The following CALN1 variants were observed in gnomAD, a reference collection of about 807,000 sequenced individuals.
CALN1 encodes the protein calcium-binding protein 8.
CALN1 carries 17 observed loss-of-function variants against 30.6 expected under a neutral mutation model. That is an observed-to-expected ratio of 0.56 (90% CI 0.38 to 0.83). The LOEUF is 0.83. CALN1 is among the 40% of genes least tolerant of loss of function. CALN1 has a pLI of 0.00. For missense variants in CALN1, 291 were observed against 354.9 expected (o/e 0.82, Z 1.45); for synonymous variants, 156 against 131.4 (o/e 1.19, Z -1.28).
chr7:71,787,834 A>C lies in CALN1; in HGVS notation c.727T>G (p.Phe243Val). ...GCAATCAGCATGACACTGATGATGA[A>C]GGCCATAGCAAAGGCGCATATGAGG... ...KSLICAFAMA[F>V]IISVMLIAAN... The change falls in exon 7 of 7, where the codon TTC becomes GTC. Residue 243 changes from phenylalanine (F) to valine (V), a missense_variant. Phe to Val is a conservative substitution (Grantham distance 50). This residue lies in a region of CALN1 where 169 missense variants were observed against 251.7 expected (regional missense o/e 0.67). Coordinates refer to ENST00000395275, the MANE Select transcript of CALN1 (RefSeq NM_031468.4). The C allele has an allele frequency of 6.2e-7, 1 of 1,614,154 alleles. No individual in the cohort carries two copies. The highest frequency in any genetic ancestry group is 8.5e-7 in the Non-Finnish European group (1 of 1,180,032).
chr7:72,048,314 C>A (rs554455296), intron 4 of CALN1, among the ~76,000 whole-genome samples: 1 of 152,276 alleles, frequency 6.6e-6, no homozygotes, highest in East Asian at 1.9e-4. Context: ...GCTGGGATTA[C>A]AGGCGTGAGC....
intron 5 of CALN1, among the ~76,000 whole-genome samples, chr7:72,012,861 T>C (rs558144441): frequency 6.6e-6 from 1 of 152,180 alleles, no homozygotes; most frequent in South Asian, 2.1e-4. Context: ...AAGGGCGTGA[T>C]CTTGGCTCAC....
chr7:71,980,623 G>A (rs1406850583), intron 5 of CALN1, among the ~76,000 whole-genome samples: 5 of 152,256 alleles, frequency 3.3e-5, no homozygotes, highest in East Asian at 3.9e-4. Context: ...TCCAGTGGGC[G>A]ATAGAAGGGC....
intron 2 of CALN1, among the ~76,000 whole-genome samples, chr7:72,395,426 G>A (rs1309071672): frequency 6.6e-6 from 1 of 151,966 alleles, no homozygotes; most frequent in Non-Finnish European, 1.5e-5. Flanking sequence ...TGAGATAAAT[G>A]AAGATAAACC....
At chr7:72,358,387 T>C (rs944771722) in intron 2 of CALN1, among the ~76,000 whole-genome samples, 3 of 151,928 alleles carry the variant, frequency 2.0e-5, no homozygotes, top group African/African-American at 7.3e-5. Context: ...GATTAGTAAA[T>C]GGAGAAAGGA....
chr7:71,971,773 C>T (rs1797814716), intron 5 of CALN1, among the ~76,000 whole-genome samples: 1 of 150,498 alleles, frequency 6.6e-6, no homozygotes, highest in Non-Finnish European at 1.5e-5. Context: ...TAGCATACAC[C>T]TCTGGTCCCA....
chr7:72,293,549 G>A lies in CALN1; in HGVS notation c.120-14739C>T, dbSNP rs1798638712. On this transcript the variant is annotated intron_variant, in intron 2 of 6. Coordinates refer to ENST00000395275, the MANE Select transcript of CALN1 (RefSeq NM_031468.4). Reference sequence around the variant, plus strand: ...CAGCAGCCTATTGCCAGGGAATCTGGAAATGTAGTTTGCAAACATCAAGCC... The same window carrying A: ...CAGCAGCCTATTGCCAGGGAATCTGAAAATGTAGTTTGCAAACATCAAGCC... 2.0e-5 allele frequency among the ~76,000 whole-genome samples: 3 copies of A among 152,136 alleles called. No individual in the cohort carries two copies. The South Asian group carries it at 6.2e-4, about 32-fold the overall frequency.
chr7:72,411,222 AAC>A (rs747908290), intron 1 of CALN1, among the ~76,000 whole-genome samples: 3 of 152,342 alleles, frequency 2.0e-5, no homozygotes, highest in Non-Finnish European at 2.9e-5. Context: ...GAAACATGCA[AAC>A]ACAACTGTAT....
chr7:72,400,263 C>A (rs1441557561), intron 2 of CALN1, among the ~76,000 whole-genome samples: 1 of 152,148 alleles, frequency 6.6e-6, no homozygotes. Context: ...TTGGGCACTA[C>A]TGATTTGATC....
chr7:72,467,372 C>T, the CALN1 span, among the ~76,000 whole-genome samples: 1 of 152,202 alleles, frequency 6.6e-6, no homozygotes, highest in African/African-American at 2.4e-5. Context: ...GCCTGCCAGA[C>T]CCCAGCTAGG....
chr7:72,306,046 G>C (rs1799626308), intron 2 of CALN1, among the ~76,000 whole-genome samples: 1 of 152,152 alleles, frequency 6.6e-6, no homozygotes, highest in Non-Finnish European at 1.5e-5. Context: ...AAGGGGTCTA[G>C]GGAGTCATGC....
upstream of CALN1, among the ~76,000 whole-genome samples, chr7:72,414,217 G>A (rs1039166121): frequency 1.3e-5 from 2 of 152,092 alleles, no homozygotes; most frequent in African/African-American, 4.8e-5. Context: ...AGGCCCATGG[G>A]CCTCCTTGAG....
At chr7:72,377,113 C>G (rs2129560616) in intron 2 of CALN1, among the ~76,000 whole-genome samples, 1 of 152,260 alleles carries the variant, frequency 6.6e-6, no homozygotes, top group African/African-American at 2.4e-5. Context: ...GTTTTGAAAT[C>G]AGAAAGTGAG....
intron 5 of CALN1, among the ~76,000 whole-genome samples, chr7:72,008,326 T>C (rs181551845): frequency 4.0e-4 from 61 of 152,218 alleles, no homozygotes; most frequent in African/African-American, 1.4e-3. Flanking sequence ...TCTACAATTA[T>C]AGACCATATA....
intron 5 of CALN1, among the ~76,000 whole-genome samples, chr7:71,936,568 T>C (rs1029456164): frequency 6.6e-6 from 1 of 152,024 alleles, no homozygotes; most frequent in Admixed American, 6.6e-5. Flanking sequence ...AAGATTCCAT[T>C]TGTCTGGTAT....
chr7:71,950,852 T>C (rs1037384048), intron 5 of CALN1, among the ~76,000 whole-genome samples: 1 of 152,154 alleles, frequency 6.6e-6, no homozygotes, highest in African/African-American at 2.4e-5. Flanking sequence ...CTTAGGACTT[T>C]GTATCTACTG....
intron 3 of CALN1, among the ~76,000 whole-genome samples, chr7:72,144,766 A>T (rs1349864058): frequency 6.6e-6 from 1 of 152,192 alleles, no homozygotes; most frequent in Non-Finnish European, 1.5e-5. Context: ...AAATTATAAC[A>T]AACTGTCTCT....
chr7:72,477,879 T>C, the CALN1 span, among the ~76,000 whole-genome samples: 2 of 152,164 alleles, frequency 1.3e-5, no homozygotes, highest in South Asian at 2.1e-4. Flanking sequence ...CTCCCAGGAA[T>C]ACTCGCCTTT....
intron 4 of CALN1, among the ~76,000 whole-genome samples, chr7:72,078,843 G>C (rs887434917): frequency 6.6e-6 from 1 of 152,188 alleles, no homozygotes; most frequent in Non-Finnish European, 1.5e-5. Flanking sequence ...GGCTGAGGCA[G>C]GAGAATCGCC....
Sources: allele counts gnomAD v4.1 joint callset (sites outside exome capture counted in the v4.1 genomes callset), GRCh38; gene constraint gnomAD v4.1.1; regional missense constraint gnomAD v4.1.1; transcripts MANE v1.5; gene names NCBI Gene and HGNC (gene_info 2026-07-23, HGNC 2026-07-21).